Variants in SLC5A10 observed in about 807,000 individuals in gnomAD.
SLC5A10 encodes sodium/mannose cotransporter SLC5A10.
In SLC5A10, 55 loss-of-function variants were observed where a neutral mutation model predicts 68.9. That is an observed-to-expected ratio of 0.80 (90% CI 0.64 to 1.00). The LOEUF (loss-of-function observed/expected upper bound fraction) is 1.00. Ranked by LOEUF, SLC5A10 falls within the 50% of genes least tolerant of loss-of-function variation. The pLI, the probability that SLC5A10 is intolerant of heterozygous loss-of-function variation, is 0.00. For missense variants in SLC5A10, 732 were observed against 819.3 expected (o/e 0.89, Z 1.30); for synonymous variants, 344 against 344.8 (o/e 1.00, Z 0.02).
chr17:18,961,240 C>T (rs753102813), intron 5 of SLC5A10, among the ~76,000 whole-genome samples: 1 of 152,194 alleles, frequency 6.6e-6, no homozygotes, highest in Non-Finnish European at 1.5e-5. Flanking sequence ...AGGGAAAGAG[C>T]TTGTCCTAAC....
intron 9 of SLC5A10, among the ~76,000 whole-genome samples, chr17:18,983,199 G>T (rs2043182954): frequency 6.6e-6 from 1 of 152,242 alleles, no homozygotes; most frequent in South Asian, 2.1e-4. Context: ...TGAGGACAGG[G>T]CTCTTTCATC....
chr17:19,019,956 A>T, intron 13 of SLC5A10, 28 bp downstream of exon 13: 1 of 1,564,542 alleles, frequency 6.4e-7, no homozygotes, highest in African/African-American at 1.4e-5. Flanking sequence ...CCTGACCCTG[A>T]CCCCTAACAA....
chr17:19,013,590 G>C (rs1016025618), intron 10 of SLC5A10, 73 bp downstream of exon 10: 1 of 498,286 alleles, frequency 2.0e-6, no homozygotes, highest in East Asian at 3.5e-5. Flanking sequence ...TATGGGGACT[G>C]TGGAGGCTGC....
At chr17:18,983,428 A>G (rs1361742999) in intron 9 of SLC5A10, among the ~76,000 whole-genome samples, 2 of 152,170 alleles carry the variant, frequency 1.3e-5, no homozygotes, top group African/African-American at 4.8e-5. Flanking sequence ...TTTATAATGG[A>G]AGCCAGTGAT....
Position 18,968,584 on chromosome 17 carries a change from G to C in SLC5A10, c.454-468G>C, listed in dbSNP as rs550719344. Among the ~76,000 whole-genome samples, 2 of 152,300 alleles carry C rather than the reference G, an allele frequency of 1.3e-5. No homozygotes were observed. Among genetic ancestry groups the C allele is most frequent in the African/African-American group, 4.8e-5 (2 of 41,552 alleles). On this transcript the variant is annotated intron_variant, in intron 5 of 14. Transcript: ENST00000395645. The surrounding 1 kb of genome is among the most constrained non-coding windows in gnomAD (Gnocchi z 4.1). ...CAAACCCACTGGGGGGTGGGGGCAG[G>C]AAGCAAGGCTGCCCCTCTGTTTCCT...
At chr17:18,958,815 A>C in intron 2 of SLC5A10, 62 bp downstream of exon 2, 3 of 1,570,366 alleles carry the variant, frequency 1.9e-6, no homozygotes, top group Non-Finnish European at 2.6e-6. Flanking sequence ...TCTGATCTCT[A>C]GGTCACCTGG....
At chr17:18,973,015 G>C (rs574573102) in intron 8 of SLC5A10, among the ~76,000 whole-genome samples, 1 of 152,302 alleles carries the variant, frequency 6.6e-6, no homozygotes, top group African/African-American at 2.4e-5. Flanking sequence ...GCCCACATCC[G>C]CCATGCCTCA....
In SLC5A10 at chr17:19,021,663, A is replaced by C. The variant is rs2044266248; in HGVS notation, c.*1232A>C. ...ACCTTCCTGGCAGATGGGGCCATTG[A>C]CAAGAGGAGGTGGGCGGGGCCTCCA... On this transcript the variant is annotated 3_prime_UTR_variant, in exon 15 of 15. Coordinates refer to ENST00000395645, the MANE Select transcript of SLC5A10 (RefSeq NM_001042450.4). The surrounding 1 kb of genome is among the most constrained non-coding windows in gnomAD (Gnocchi z 4.1). The C allele has an allele frequency of 2.5e-6, 1 of 397,596 alleles. No homozygotes were observed. The highest frequency in any genetic ancestry group is 1.4e-4 in the South Asian group (1 of 7,208). 24.6% of individuals were successfully genotyped at this position (397,596 alleles called of 1,614,324 possible).
At chr17:18,986,754 A>C (rs1442166322) in intron 9 of SLC5A10, among the ~76,000 whole-genome samples, 1 of 152,204 alleles carries the variant, frequency 6.6e-6, no homozygotes, top group Non-Finnish European at 1.5e-5. Flanking sequence ...CGCTGGGGGA[A>C]GTGCAAAGCA....
At chr17:18,959,748 C>G in intron 4 of SLC5A10, 85 bp downstream of exon 4, 1 of 1,257,258 alleles carries the variant, frequency 8.0e-7, no homozygotes, top group Non-Finnish European at 1.2e-6. Flanking sequence ...ACCGTGGCCT[C>G]ACATCAGGAG....
intron 5 of SLC5A10, among the ~76,000 whole-genome samples, chr17:18,961,867 G>C (rs537006026): frequency 1.3e-5 from 2 of 152,148 alleles, no homozygotes; most frequent in Non-Finnish European, 2.9e-5. Flanking sequence ...ACTCTGAGGG[G>C]ATTCCCAGAG....
rs771681407 is a variant in SLC5A10 at position 18,976,980 on chromosome 17, T to C, written c.973T>C (p.Leu325=). 6 of 1,612,480 alleles carry C rather than the reference T, an allele frequency of 3.7e-6. No homozygotes were observed. The highest frequency in any genetic ancestry group is 2.2e-5 in the East Asian group (1 of 44,858). Reference sequence around the variant, plus strand: ...CATGCCGGGCATGATCAGCCGCGCATTGTTCCCAGGTAGGACGGGCTCCGG... The same window carrying C: ...CATGCCGGGCATGATCAGCCGCGCACTGTTCCCAGGTAGGACGGGCTCCGG... ...IIMPGMISRA[L]FPDDVGCVVP... Residue 325 remains leucine, a synonymous_variant, in exon 9 of 15, where the codon TTG becomes CTG. Coordinates refer to ENST00000395645, the MANE Select transcript of SLC5A10 (RefSeq NM_001042450.4).
chr17:18,984,195 A>C (rs1214645274), intron 9 of SLC5A10, among the ~76,000 whole-genome samples: 1 of 151,890 alleles, frequency 6.6e-6, no homozygotes, highest in Non-Finnish European at 1.5e-5. Flanking sequence ...ACAAAAAATT[A>C]GCCGGGCGTG....
rs981923183 is a variant in SLC5A10 at position 18,959,759 on chromosome 17, T to C, written c.348+96T>C. 11 of 1,109,252 alleles carry C rather than the reference T, an allele frequency of 9.9e-6. No homozygotes were observed. In the Admixed American group the frequency reaches 1.4e-4, roughly 14 times the overall value. 68.7% of individuals were successfully genotyped at this position (1,109,252 alleles called of 1,614,324 possible). ...GACCACCGTGGCCTCACATCAGGAG[T>C]TGGTAAACTCTTAGGGCTGGGTTTG... On this transcript the variant is annotated intron_variant, in intron 4 of 14. Transcript: ENST00000395645.
intron 9 of SLC5A10, among the ~76,000 whole-genome samples, chr17:18,982,505 G>A (rs978830798): frequency 1.3e-5 from 2 of 152,248 alleles, no homozygotes; most frequent in Non-Finnish European, 2.9e-5. Context: ...CCCAAGAGGG[G>A]TGCCCTGGAA....
Position 19,021,817 on chromosome 17 carries a change from C to G in SLC5A10, c.*1386C>G. 1.2e-6 allele frequency: 1 copy of G among 825,786 alleles called. No homozygotes were observed. The highest frequency in any genetic ancestry group is 1.7e-6 in the Non-Finnish European group (1 of 599,372). The allele number at this position is 825,786 out of a possible 1,614,324, so 51.2% of individuals were successfully genotyped here. A position where few individuals can be genotyped will look rare whatever the true frequency, so the allele number is the denominator to read the frequency against. ...GCCATCCCAGTTTGTGCAGAGCGGC[C>G]GGAGGCAGTTAGGAGCCCACGTTCA... is the stretch of plus-strand genomic sequence containing the variant. On this transcript the variant is annotated 3_prime_UTR_variant, in exon 15 of 15. Transcript: ENST00000395645. This position sits in a 1 kb window ranked among gnomAD's most constrained non-coding sequence, Gnocchi z 4.1.
chr17:18,972,735 G>A (rs904692701), intron 8 of SLC5A10, among the ~76,000 whole-genome samples: 4 of 152,128 alleles, frequency 2.6e-5, no homozygotes, highest in East Asian at 3.9e-4. Context: ...GGTGGCAGGC[G>A]CCTGTAGTCC....
chr17:18,973,056 C>A (rs2042894409), intron 8 of SLC5A10, among the ~76,000 whole-genome samples: 1 of 152,222 alleles, frequency 6.6e-6, no homozygotes, highest in Non-Finnish European at 1.5e-5. Flanking sequence ...CATGTGGGCT[C>A]ACAGCAGGCG....
chr17:19,009,115 T>C (rs1204863181), intron 9 of SLC5A10, among the ~76,000 whole-genome samples: 1 of 151,946 alleles, frequency 6.6e-6, no homozygotes, highest in Non-Finnish European at 1.5e-5. Flanking sequence ...TCCTGGCCAG[T>C]CTCAGAGATC....
Sources: gnomAD v4.1 joint callset for allele counts (sites outside exome capture counted in the v4.1 genomes callset) on GRCh38, gnomAD v4.1.1 for gene constraint, Gnocchi (gnomAD v3.1) non-coding constraint, MANE v1.5 for transcripts, NCBI Gene and HGNC (gene_info 2026-07-23, HGNC 2026-07-21) for gene names.